Variants in ALDH4A1 observed in about 807,000 individuals in gnomAD.
ALDH4A1 encodes the protein delta-1-pyrroline-5-carboxylate dehydrogenase, mitochondrial.
ALDH4A1 carries 46 observed loss-of-function variants against 70.5 expected under a neutral mutation model. That is an observed-to-expected ratio of 0.65 (90% CI 0.51 to 0.83). The LOEUF is 0.83. ALDH4A1 is among the 40% of genes least tolerant of loss of function. The pLI, the probability that ALDH4A1 is intolerant of heterozygous loss-of-function variation, is 0.00. For missense variants in ALDH4A1, 749 were observed against 766.5 expected (o/e 0.98, Z 0.27); for synonymous variants, 323 against 324.3 (o/e 1.00, Z 0.04).
rs749181166 is a variant in ALDH4A1 at position 18,877,193 on chromosome 1, C to A, written c.1185+15G>T. 16 of 1,606,678 alleles carry A rather than the reference C, an allele frequency of 1.0e-5. No individual in the cohort carries two copies. Among genetic ancestry groups the A allele is most frequent in the South Asian group, 5.6e-5 (5 of 89,578 alleles). On this transcript the variant is annotated intron_variant, in intron 11 of 14. Transcript: ENST00000375341. The stretch of plus-strand genomic sequence containing the variant: ...GCTTGCCCCCACCCAGGAACGCCCA[C>A]TTCCCACCCCGTACCTTGGCATCAA...
chr1:18,902,428 C>A (rs1001920723), intron 1 of ALDH4A1, 34 bp downstream of exon 1: 5 of 1,312,660 alleles, frequency 3.8e-6, no homozygotes, highest in Non-Finnish European at 4.8e-6. Context: ...CCCAGGCGCG[C>A]GCTCGGGCCG....
intron 3 of ALDH4A1, among the ~76,000 whole-genome samples, chr1:18,887,900 T>C (rs951750719): frequency 1.3e-5 from 2 of 152,264 alleles, no homozygotes; most frequent in African/African-American, 4.8e-5. Context: ...AACCCCTGTC[T>C]TCCCTTCAAA....
Position 18,872,777 on chromosome 1 carries a change from T to G in ALDH4A1, c.*68A>C, listed in dbSNP as rs1569707266. ...TGAAGAAGGGGTGGAGGGGCTGGAG[T>G]GGGGTCTGTGCAGTGAGGTCGGCCA... On this transcript the variant is annotated 3_prime_UTR_variant, in exon 15 of 15. Transcript: ENST00000375341. 1 of 1,182,490 alleles carries G rather than the reference T, an allele frequency of 8.5e-7. No individual in the cohort carries two copies. Among genetic ancestry groups the G allele is most frequent in the Non-Finnish European group, 1.2e-6 (1 of 803,460 alleles). 73.2% of individuals were successfully genotyped at this position (1,182,490 alleles called of 1,614,324 possible). A position where few individuals can be genotyped will look rare whatever the true frequency, so the allele number is the denominator to read the frequency against.
intron 11 of ALDH4A1, 26 bp from the exon 12 acceptor site, chr1:18,876,493 T>G (rs370203074): frequency 1.3e-6 from 2 of 1,557,918 alleles, no homozygotes; most frequent in African/African-American, 2.7e-5. Flanking sequence ...AGGAGGGAGG[T>G]CTAAGAGGCT....
At chr1:18,877,099 A>G in intron 11 of ALDH4A1, 109 bp downstream of exon 11, 1 of 1,370,332 alleles carries the variant, frequency 7.3e-7, no homozygotes, top group Non-Finnish European at 1.0e-6. Flanking sequence ...TGATCAAAGC[A>G]GTGGGGCTGG....
At chr1:18,888,731 T>C (rs1427432851) in intron 3 of ALDH4A1, among the ~76,000 whole-genome samples, 1 of 152,176 alleles carries the variant, frequency 6.6e-6, no homozygotes, top group Non-Finnish European at 1.5e-5. Flanking sequence ...CTCCAGGTAG[T>C]CCTGACCCAG....
chr1:18,896,938 C>T (rs369257443), intron 1 of ALDH4A1: 4 of 373,890 alleles, frequency 1.1e-5, no homozygotes, highest in East Asian at 8.0e-5. Context: ...GGATGAGCTG[C>T]TTCAGCCACT....
chr1:18,882,892 G>A (rs1935038652), intron 7 of ALDH4A1, among the ~76,000 whole-genome samples: 2 of 152,216 alleles, frequency 1.3e-5, no homozygotes, highest in Admixed American at 6.5e-5. Flanking sequence ...AGGAAACTGT[G>A]CCTCAGAGAA....
At chr1:18,884,214 C>T (rs1388367809) in intron 5 of ALDH4A1, among the ~76,000 whole-genome samples, 1 of 152,196 alleles carries the variant, frequency 6.6e-6, no homozygotes, top group Non-Finnish European at 1.5e-5. Flanking sequence ...GTGCGGCTCA[C>T]CAGGAACACG....
chr1:18,881,958 C>T, intron 7 of ALDH4A1, 71 bp from the exon 8 acceptor site: 2 of 1,446,924 alleles, frequency 1.4e-6, no homozygotes, highest in Non-Finnish European at 9.4e-7. Flanking sequence ...CCACCCTACC[C>T]TACAGCATGG....
chr1:18,888,082 C>T (rs535041048), intron 3 of ALDH4A1, among the ~76,000 whole-genome samples: 100 of 152,328 alleles, frequency 6.6e-4, no homozygotes, highest in Non-Finnish European at 1.3e-3. Flanking sequence ...AGAGTAGCCA[C>T]GAGCCACATT....
chr1:18,892,719 C>T (rs576566796), intron 1 of ALDH4A1, among the ~76,000 whole-genome samples: 1 of 152,086 alleles, frequency 6.6e-6, no homozygotes, highest in South Asian at 2.1e-4. Context: ...GCACTCCCCA[C>T]CCCCACTCTG....
At position 18,874,502 on chromosome 1, in the gene ALDH4A1, T is replaced by A. The variant is rs1346345763; in HGVS notation, c.1540A>T (p.Ile514Leu). 1 of 1,614,152 alleles carries A rather than the reference T, an allele frequency of 6.2e-7. No individual in the cohort carries two copies. Among genetic ancestry groups the A allele is most frequent in the African/African-American group, 1.3e-5 (1 of 75,068 alleles). ...CCCCCAAAGGGCTGCTGGCCCACTATCGAGCCAGTGGACTTGTCGTTGATG... is the reference window on the plus strand; with the variant it reads ...CCCCCAAAGGGCTGCTGGCCCACTAACGAGCCAGTGGACTTGTCGTTGATG... ...FYINDKSTGS[I>L]VGQQPFGGAR... Residue 514 changes from isoleucine (I) to leucine (L), a missense_variant, in exon 14 of 15, where the codon ATA (isoleucine) becomes TTA (leucine). Ile to Leu is a conservative substitution (Grantham distance 5). Transcript: ENST00000375341.
At chr1:18,883,247 C>T in intron 6 of ALDH4A1, 32 bp downstream of exon 6, 9 of 1,613,146 alleles carry the variant, frequency 5.6e-6, no homozygotes, top group Non-Finnish European at 7.6e-6. Flanking sequence ...TTGGGCTGCC[C>T]CGCCTGCTCG....
Position 18,879,329 on chromosome 1 carries a change from C to T in ALDH4A1, c.911G>A (p.Arg304Gln), listed in dbSNP as rs553074372. The change falls in exon 9 of 15, where the codon CGG (arginine) becomes CAG (glutamine). Residue 304 changes from arginine (R) to glutamine (Q), a missense_variant. By Grantham distance (43) the Arg-to-Gln change is conservative. Coordinates refer to ENST00000375341, the MANE Select transcript of ALDH4A1 (RefSeq NM_003748.4). ...AGCCAGGCGTGGGAAGGTGTGGAAC[C>T]GGTCCAGGTTCTGGGCCACCTGCTT... ...LWKQVAQNLD[R>Q]FHTFPRLAGE... The T allele has an allele frequency of 2.8e-5, 45 of 1,611,026 alleles. No individual in the cohort carries two copies. Among genetic ancestry groups the T allele is most frequent in the Admixed American group, 2.3e-4 (14 of 59,656 alleles).
intron 8 of ALDH4A1, 53 bp from the exon 9 acceptor site, chr1:18,879,426 G>A: frequency 6.5e-7 from 1 of 1,527,500 alleles, no homozygotes; most frequent in South Asian, 1.2e-5. Context: ...AGAGGAAGGG[G>A]GCGGAAAAGC....
Position 18,875,509 on chromosome 1 carries a change from AG to A in ALDH4A1, c.1339-7del, listed in dbSNP as rs747822510. The A allele has an allele frequency of 1.1e-5, 17 of 1,613,980 alleles. No individual in the cohort carries two copies. The highest frequency in any genetic ancestry group is 1.4e-5 in the Non-Finnish European group (17 of 1,179,966). On this transcript the variant is annotated splice_polypyrimidine_tract_variant and splice_region_variant and intron_variant, in intron 12 of 14. Coordinates refer to ENST00000375341, the MANE Select transcript of ALDH4A1 (RefSeq NM_003748.4). The stretch of plus-strand genomic sequence containing the variant: ...AGTACAGGCCCGAAGATCTCCTAGG[AG>A]AGAGGCCCCGGCGTCAGACCCTCCA...
rs781186940 is a variant in ALDH4A1 at position 18,885,575 on chromosome 1, G to A, written c.351C>T (p.Asp117=). The A allele has an allele frequency of 6.2e-7, 1 of 1,613,720 alleles. No homozygotes were observed. Among genetic ancestry groups the A allele is most frequent in the Non-Finnish European group, 8.5e-7 (1 of 1,179,938 alleles). Residue 117 remains aspartate (D), a synonymous_variant, in exon 5 of 15, where the codon GAC becomes GAT. Transcript: ENST00000375341. ...GGGCCCGGTCTGCAATAGGCTTCAG[G>A]TCCCACTCTTTCCGGGCAGCCAGGG... ...EAALAARKEW[D]LKPIADRAQI... is the part of the protein sequence containing the mutation.
intron 1 of ALDH4A1, among the ~76,000 whole-genome samples, chr1:18,894,874 T>C (rs1398355972): frequency 1.3e-5 from 2 of 149,398 alleles, no homozygotes; most frequent in African/African-American, 4.9e-5. Flanking sequence ...TCTTTTTTTT[T>C]TTTTTTTTTT....
Sources: allele counts gnomAD v4.1 joint callset (sites outside exome capture counted in the v4.1 genomes callset), GRCh38; gene constraint gnomAD v4.1.1; transcripts MANE v1.5; gene names NCBI Gene and HGNC (gene_info 2026-07-23, HGNC 2026-07-21).